The following DLGAP2 variants were observed in gnomAD, a reference collection of about 807,000 sequenced individuals.
The protein encoded by DLGAP2 is DLG associated protein 2, also known as disks large-associated protein 2.
Under a neutral mutation model 100.3 loss-of-function variants are expected in DLGAP2, and 26 were observed. That is an observed-to-expected ratio of 0.26 (90% CI 0.19 to 0.36). DLGAP2 has a LOEUF of 0.36. Among genes scored for constraint, DLGAP2 ranks in the 10% least tolerant of loss-of-function variants. The pLI is 1.00. For missense variants in DLGAP2, 1,858 were observed against 1,453.2 expected (o/e 1.28, Z -4.53); for synonymous variants, 886 against 630.1 (o/e 1.41, Z -6.08).
intron 2 of DLGAP2, among the ~76,000 whole-genome samples, chr8:1,112,989 G>C (rs1255836011): frequency 6.6e-6 from 1 of 152,104 alleles, no homozygotes; most frequent in Non-Finnish European, 1.5e-5. Flanking sequence ...ATTTTTGTCA[G>C]CTTTGTCTAA....
rs1259002032 is a variant in DLGAP2 at position 1,615,751 on chromosome 8, T to C, written c.1443-10989T>C. The stretch of plus-strand genomic sequence containing the variant: ...AAAATGTTAGAACTCACCGGAAAGA[T>C]CTTTAAAGCAGCCATTGTAAGGTCT... On this transcript the variant is annotated intron_variant, in intron 6 of 14. Coordinates refer to ENST00000637795, the MANE Select transcript of DLGAP2 (RefSeq NM_001346810.2). 2.0e-5 allele frequency among the ~76,000 whole-genome samples: 3 copies of C among 151,062 alleles called. No individual in the cohort carries two copies. In the East Asian group the frequency reaches 5.9e-4, roughly 29 times the overall value.
chr8:971,055 C>T (rs1228126784), intron 2 of DLGAP2, among the ~76,000 whole-genome samples: 3 of 152,128 alleles, frequency 2.0e-5, no homozygotes, highest in Non-Finnish European at 4.4e-5. Flanking sequence ...TAAATGGTAA[C>T]TTGAAAACCT....
chr8:1,310,204 AGG>A (rs1301616703), intron 3 of DLGAP2, among the ~76,000 whole-genome samples: 2 of 152,198 alleles, frequency 1.3e-5, no homozygotes, highest in Non-Finnish European at 2.9e-5. Flanking sequence ...AGGAAATAAA[AGG>A]GAAATCAAAA....
chr8:1,454,434 A>C (rs576558799), intron 3 of DLGAP2, among the ~76,000 whole-genome samples: 2 of 151,404 alleles, frequency 1.3e-5, no homozygotes, highest in Non-Finnish European at 3.0e-5. Context: ...CCTGCTGGCA[A>C]CTTCACAGAG....
intron 5 of DLGAP2, among the ~76,000 whole-genome samples, chr8:1,550,486 C>T (rs1175882816): frequency 6.6e-6 from 1 of 152,104 alleles, no homozygotes; most frequent in Non-Finnish European, 1.5e-5. Context: ...ACAGACTTGC[C>T]CATGTGGGTG....
At chr8:1,188,311 A>G (rs113134481) in intron 2 of DLGAP2, among the ~76,000 whole-genome samples, 24 of 117,438 alleles carry the variant, frequency 2.0e-4, no homozygotes, top group African/African-American at 9.7e-4. Context: ...CACGCCCGGG[A>G]CTTCCGTGAC....
intron 2 of DLGAP2, among the ~76,000 whole-genome samples, chr8:1,120,304 A>T (rs139983953): frequency 6.6e-6 from 1 of 152,270 alleles, no homozygotes; most frequent in Non-Finnish European, 1.5e-5. Flanking sequence ...CACACTCATT[A>T]GGCATCTTCG....
intron 2 of DLGAP2, among the ~76,000 whole-genome samples, chr8:956,250 C>T (rs754746905): frequency 3.2e-4 from 49 of 152,232 alleles, no homozygotes; most frequent in Non-Finnish European, 4.3e-4. Context: ...CTGTGCACAG[C>T]GTCTGAAGAC....
chr8:989,940 C>T lies in DLGAP2; in HGVS notation c.73+81974C>T, dbSNP rs74572116. 4.7e-3 allele frequency among the ~76,000 whole-genome samples: 710 copies of T among 152,118 alleles called. 6 individuals are homozygous for T. The highest frequency in any genetic ancestry group is 0.01 in the Middle Eastern group (3 of 294). On this transcript the variant is annotated intron_variant, in intron 2 of 14. Transcript: ENST00000637795. ...TTGTAATTTGCATGCAGTGAAATGT[C>T]GCTGTTGGGTGTTGGGTTCGATGAG...
chr8:1,356,534 G>T (rs779854154), intron 3 of DLGAP2, among the ~76,000 whole-genome samples: 3 of 152,068 alleles, frequency 2.0e-5, no homozygotes, highest in Non-Finnish European at 4.4e-5. Flanking sequence ...GCCAGGAAGC[G>T]CTCCTCCCTC....
intron 1 of DLGAP2, among the ~76,000 whole-genome samples, chr8:747,943 C>CT (rs36138025): frequency 1.3e-4 from 1 of 7,934 alleles, no homozygotes; most frequent in Non-Finnish European, 1.7e-4. Context: ...GATGGGCGGG[C>CT]CTGCGGTGGG....
At chr8:1,107,176 A>G (rs1175903913) in intron 2 of DLGAP2, among the ~76,000 whole-genome samples, 1 of 152,220 alleles carries the variant, frequency 6.6e-6, no homozygotes, top group Non-Finnish European at 1.5e-5. Context: ...TGGAGAGAGC[A>G]GAGGCTTTGC....
intron 4 of DLGAP2, among the ~76,000 whole-genome samples, chr8:1,511,831 GACAA>G (rs1305189354): frequency 8.3e-6 from 1 of 120,990 alleles, no homozygotes; most frequent in Admixed American, 9.1e-5. Context: ...TCTAGTGTAA[GACAA>G]TCAGTAGGTC....
intron 2 of DLGAP2, among the ~76,000 whole-genome samples, chr8:1,147,204 G>T (rs924454135): frequency 6.6e-6 from 1 of 152,120 alleles, no homozygotes; most frequent in African/African-American, 2.4e-5. Flanking sequence ...ATCTTCCTTA[G>T]ATTTATCATA....
intron 3 of DLGAP2, among the ~76,000 whole-genome samples, chr8:1,291,128 G>C (rs1305654671): frequency 6.6e-6 from 1 of 152,076 alleles, no homozygotes; most frequent in Non-Finnish European, 1.5e-5. Flanking sequence ...TTAATATCTA[G>C]GTAACAGTCA....
At chr8:1,344,627 C>G (rs540272733) in intron 3 of DLGAP2, among the ~76,000 whole-genome samples, 4 of 152,192 alleles carry the variant, frequency 2.6e-5, no homozygotes, top group African/African-American at 9.7e-5. Flanking sequence ...AAACCCGGCA[C>G]TGGTCTATCT....
intron 2 of DLGAP2, among the ~76,000 whole-genome samples, chr8:1,139,386 T>C (rs1796481822): frequency 6.6e-6 from 1 of 152,232 alleles, no homozygotes; most frequent in Non-Finnish European, 1.5e-5. Context: ...TTCTGCAGGC[T>C]GCAAGTCCGT....
At chr8:1,515,250 C>G (rs560074777) in intron 4 of DLGAP2, among the ~76,000 whole-genome samples, 199 of 152,272 alleles carry the variant, frequency 1.3e-3, no homozygotes, top group African/African-American at 4.5e-3. Context: ...GCCAAGGTGT[C>G]TTTCTTTCTT....
intron 1 of DLGAP2, chr8:740,252 C>A (rs970284849): frequency 1.3e-5 from 2 of 152,190 alleles, no homozygotes; most frequent in Non-Finnish European, 2.9e-5. Flanking sequence ...CTCAGATAAG[C>A]ATTCTAAGTC....
Sources: allele counts gnomAD v4.1 joint callset (sites outside exome capture counted in the v4.1 genomes callset), GRCh38; gene constraint gnomAD v4.1.1; transcripts MANE v1.5; gene names NCBI Gene and HGNC (gene_info 2026-07-23, HGNC 2026-07-21).